Variants in TENM3 observed in about 807,000 individuals in gnomAD.
TENM3 encodes teneurin-3.
Under a neutral mutation model 255.1 loss-of-function variants are expected in TENM3, and 63 were observed. The observed-to-expected ratio is 0.25, with a 90% CI of 0.20 to 0.30. The LOEUF (loss-of-function observed/expected upper bound fraction) is 0.30, where lower values mean the gene tolerates loss of function less well. Ranked by LOEUF, TENM3 falls within the 10% of genes least tolerant of loss-of-function variation. The pLI is 1.00. For synonymous variants in TENM3, 1,306 were observed against 1,322.3 expected, an observed-to-expected ratio of 0.99 and a Z score of 0.27; for missense variants, 2,929 against 3,461.1, an observed-to-expected ratio of 0.85 and a Z score of 3.86.
chr4:182,020,839 T>C, the TENM3 span, among the ~76,000 whole-genome samples: 1 of 152,130 alleles, frequency 6.6e-6, no homozygotes, highest in Admixed American at 6.5e-5. Flanking sequence ...CCTACCCATC[T>C]CTCCAGCCTC....
At chr4:182,443,539 G>C (rs1772666128) in intron 3 of TENM3, among the ~76,000 whole-genome samples, 1 of 152,170 alleles carries the variant, frequency 6.6e-6, no homozygotes, top group Non-Finnish European at 1.5e-5. Context: ...CTGGCCATCT[G>C]GATTTCTCTT....
At chr4:181,679,454 C>T in the TENM3 span, among the ~76,000 whole-genome samples, 2 of 152,042 alleles carry the variant, frequency 1.3e-5, no homozygotes, top group East Asian at 1.9e-4. Flanking sequence ...TAAAATAAAA[C>T]ATTTTTTCTT....
At chr4:181,576,766 C>A in the TENM3 span, among the ~76,000 whole-genome samples, 5 of 150,852 alleles carry the variant, frequency 3.3e-5, no homozygotes, top group Non-Finnish European at 7.4e-5. Flanking sequence ...ATAGCAGCTA[C>A]CACTCTTTTC....
At chr4:181,895,925 AG>A in the TENM3 span, among the ~76,000 whole-genome samples, 4 of 152,224 alleles carry the variant, frequency 2.6e-5, no homozygotes, top group African/African-American at 9.6e-5. Flanking sequence ...CATTGGCAAA[AG>A]TCTGTTATAT....
At chr4:181,590,275 A>G in the TENM3 span, among the ~76,000 whole-genome samples, 2 of 152,134 alleles carry the variant, frequency 1.3e-5, no homozygotes, top group African/African-American at 4.8e-5. Context: ...CCTGGGAAAA[A>G]GCATCAGTGG....
intron 1 of TENM3, among the ~76,000 whole-genome samples, chr4:182,198,672 G>A (rs1010978416): frequency 1.7e-4 from 26 of 152,346 alleles, no homozygotes; most frequent in African/African-American, 6.0e-4. Context: ...ACCATTTCCT[G>A]ACGAGCAGGT....
rs1554051180 is a variant in TENM3 at position 182,335,494 on chromosome 4, C to CAGAAAA, written c.233-11156_233-11155insGAAAAA. Reference sequence around the variant, plus strand: ...TGGGCGACAGAGCGAGACTCCGCCTCAAAAAAAAAAAAAAAAAAAAAAAAA... The same window carrying CAGAAAA: ...TGGGCGACAGAGCGAGACTCCGCCTCAGAAAAAAAAAAAAAAAAAAAAAAAAAAAAA... On this transcript the variant is annotated intron_variant, in intron 2 of 27. Coordinates refer to ENST00000511685, the MANE Select transcript of TENM3 (RefSeq NM_001080477.4). Among the ~76,000 whole-genome samples the CAGAAAA allele has an allele frequency of 5.0e-4, 26 of 52,396 alleles. 1 individual carries two copies. The highest frequency in any genetic ancestry group is 1.7e-3 in the African/African-American group (25 of 14,574). The allele number at this position is 52,396 out of a possible 152,430, so 34.4% of individuals were successfully genotyped here.
the TENM3 span, among the ~76,000 whole-genome samples, chr4:181,721,513 T>C: frequency 1.1e-5 from 1 of 89,070 alleles, no homozygotes; most frequent in African/African-American, 3.9e-5. Flanking sequence ...GGCAGGAGAA[T>C]GGCGTGAACC....
intron 22 of TENM3, among the ~76,000 whole-genome samples, chr4:182,765,270 A>G (rs1208194761): frequency 1.3e-5 from 2 of 152,188 alleles, no homozygotes; most frequent in Non-Finnish European, 2.9e-5. Context: ...ACAAGTGGAA[A>G]AAAAGAAGGT....
the TENM3 span, among the ~76,000 whole-genome samples, chr4:181,579,863 G>T: frequency 6.4e-4 from 98 of 152,280 alleles, no homozygotes; most frequent in East Asian, 0.018. Context: ...CCTGGGCTAA[G>T]TTCAAGGTGC....
the TENM3 span, among the ~76,000 whole-genome samples, chr4:182,103,586 C>T: frequency 1.3e-5 from 2 of 152,214 alleles, no homozygotes; most frequent in Admixed American, 1.3e-4. Flanking sequence ...ACAAAGCCTG[C>T]AATCCAGCAC....
the TENM3 span, among the ~76,000 whole-genome samples, chr4:181,759,724 A>G: frequency 2.7e-5 from 4 of 146,620 alleles, no homozygotes; most frequent in Admixed American, 6.9e-5. Context: ...CAATCAACAG[A>G]TGTGTGTGTG....
chr4:182,636,726 AAAAG>A (rs908425943), intron 5 of TENM3, among the ~76,000 whole-genome samples: 7 of 92,918 alleles, frequency 7.5e-5, no homozygotes, highest in East Asian at 3.9e-4. Flanking sequence ...CAAAAAAAAA[AAAAG>A]AAAGAAAGAA....
intron 12 of TENM3, among the ~76,000 whole-genome samples, chr4:182,697,478 G>A (rs181028386): frequency 6.6e-5 from 10 of 152,246 alleles, no homozygotes; most frequent in African/African-American, 2.2e-4. Flanking sequence ...CTTGCAGAAC[G>A]AGAACTTCTT....
the TENM3 span, among the ~76,000 whole-genome samples, chr4:181,811,934 A>T: frequency 6.6e-6 from 1 of 152,208 alleles, no homozygotes; most frequent in Admixed American, 6.5e-5. Context: ...TTCTTCGAAA[A>T]CTAGATTGAG....
At position 182,198,452 on chromosome 4, in the gene TENM3, C is replaced by T. The variant is rs555199862; in HGVS notation, c.-76+53698C>T. The stretch of plus-strand genomic sequence containing the variant: ...GGTGTGCCTCAGTCGGTTGTCAGAG[C>T]GACACTCACATCAGGATTGGCTTTG... On this transcript the variant is annotated intron_variant, in intron 1 of 2. Coordinates refer to the TENM3 transcript ENST00000512480. Among the ~76,000 whole-genome samples, 338 of 152,340 alleles carry T rather than the reference C, an allele frequency of 2.2e-3. 2 individuals are homozygous for T. Among genetic ancestry groups the T allele is most frequent in the Non-Finnish European group, 3.6e-3 (243 of 68,040 alleles).
At position 182,731,152 on chromosome 4, in the gene TENM3, C is replaced by G; in HGVS notation, c.2967+13C>G. On this transcript the variant is annotated intron_variant, in intron 16 of 27. Coordinates refer to ENST00000511685, the MANE Select transcript of TENM3 (RefSeq NM_001080477.4). ...TCCCGAAACACAGGTAAAATATTCTCACAGGCAGTACTTGTAAATACAAGA... is the reference window on the plus strand; with the variant it reads ...TCCCGAAACACAGGTAAAATATTCTGACAGGCAGTACTTGTAAATACAAGA... 1 of 1,610,082 alleles carries G rather than the reference C, an allele frequency of 6.2e-7. No individual in the cohort carries two copies. Among genetic ancestry groups the G allele is most frequent in the East Asian group, 2.2e-5 (1 of 44,874 alleles).
intron 1 of TENM3, among the ~76,000 whole-genome samples, chr4:182,158,349 GT>G (rs1228645154): frequency 6.6e-6 from 1 of 152,214 alleles, no homozygotes; most frequent in Non-Finnish European, 1.5e-5. Context: ...GGGTTTGGCA[GT>G]TGGGCTACCA....
At chr4:181,490,982 G>A in the TENM3 span, among the ~76,000 whole-genome samples, 1 of 152,024 alleles carries the variant, frequency 6.6e-6, no homozygotes. Flanking sequence ...TAAAAAATGT[G>A]TCATGCAATG....
Sources: gnomAD v4.1 joint callset for allele counts (sites outside exome capture counted in the v4.1 genomes callset) on GRCh38, gnomAD v4.1.1 for gene constraint, MANE v1.5 for transcripts, NCBI Gene and HGNC (gene_info 2026-07-23, HGNC 2026-07-21) for gene names.